The following TAF4 variants were observed in gnomAD, a reference collection of about 807,000 sequenced individuals.
TAF4 encodes TATA-box binding protein associated factor 4.
A neutral mutation model predicts 90.3 loss-of-function variants in TAF4; 9 were observed. That is an observed-to-expected ratio of 0.10 (90% confidence interval 0.06 to 0.17). TAF4 has a LOEUF of 0.17. TAF4 is among the 10% of genes least tolerant of loss of function. The pLI, the probability that TAF4 is intolerant of heterozygous loss-of-function variation, is 1.00. For missense variants in TAF4, 1,351 were observed against 1,370.7 expected (o/e 0.99, Z 0.23); for synonymous variants, 818 against 638.9 (o/e 1.28, Z -4.23).
intron 10 of TAF4, 107 bp from the exon 11 acceptor site, chr20:62,000,361 A>G (rs2055691973): frequency 1.3e-6 from 2 of 1,488,916 alleles, no homozygotes; most frequent in Non-Finnish European, 1.8e-6. Flanking sequence ...ACCCAAGGGG[A>G]GCCCAGAAAG....
chr20:62,042,097 G>A (rs1568940136), intron 1 of TAF4, among the ~76,000 whole-genome samples: 1 of 152,102 alleles, frequency 6.6e-6, no homozygotes, highest in Non-Finnish European at 1.5e-5. Flanking sequence ...GCGCCCAAAT[G>A]TTGCCTTTTC....
At chr20:62,038,558 A>C (rs1335973272) in intron 1 of TAF4, among the ~76,000 whole-genome samples, 4 of 152,226 alleles carry the variant, frequency 2.6e-5, no homozygotes, top group Admixed American at 2.0e-4. Context: ...ACATGGCATA[A>C]AATATGAATA....
chr20:62,015,497 G>C (rs1428879740), intron 1 of TAF4, among the ~76,000 whole-genome samples: 1 of 152,084 alleles, frequency 6.6e-6, no homozygotes, highest in African/African-American at 2.4e-5. Context: ...GTGGGAGCAG[G>C]GCTATAAACA....
Position 61,993,266 on chromosome 20 carries a change from G to A in TAF4, c.3090+4284C>T, listed in dbSNP as rs115744482. 6.4e-3 allele frequency among the ~76,000 whole-genome samples: 981 copies of A among 152,294 alleles called. 12 individuals are homozygous for A. The highest frequency in any genetic ancestry group is 0.022 in the African/African-American group (921 of 41,558). On this transcript the variant is annotated intron_variant, in intron 14 of 14. Transcript: ENST00000252996. Reference sequence around the variant, plus strand: ...GCGCACAGCCCAGACCCGTGTCCTCGCAATGAGGGGACACAAGAGCAGCCA... The same window carrying A: ...GCGCACAGCCCAGACCCGTGTCCTCACAATGAGGGGACACAAGAGCAGCCA...
intron 1 of TAF4, among the ~76,000 whole-genome samples, chr20:62,035,319 G>C (rs1041961061): frequency 4.6e-5 from 7 of 152,204 alleles, no homozygotes; most frequent in African/African-American, 1.7e-4. Context: ...TTAGTATGGA[G>C]CTAAATTATT....
chr20:62,026,484 G>A (rs1023696121), intron 1 of TAF4, among the ~76,000 whole-genome samples: 1 of 152,176 alleles, frequency 6.6e-6, no homozygotes, highest in African/African-American at 2.4e-5. Flanking sequence ...CTCCTTTGAT[G>A]GAAAAGGGAT....
intron 1 of TAF4, among the ~76,000 whole-genome samples, chr20:62,042,792 C>T (rs1412803783): frequency 6.6e-6 from 1 of 152,208 alleles, no homozygotes; most frequent in Non-Finnish European, 1.5e-5. Context: ...TTAAAACTTA[C>T]AGTTAACTGT....
chr20:62,062,343 A>G (rs2056093467), intron 1 of TAF4, among the ~76,000 whole-genome samples: 1 of 152,234 alleles, frequency 6.6e-6, no homozygotes, highest in Admixed American at 6.5e-5. Context: ...TTACAGAATT[A>G]AGTTGTACTG....
chr20:62,003,035 G>A (rs2055717035), intron 9 of TAF4, 125 bp downstream of exon 9: 2 of 677,376 alleles, frequency 3.0e-6, no homozygotes, highest in Middle Eastern at 2.5e-4. Flanking sequence ...TGAAGCAGGA[G>A]CCTTGGAGCC....
intron 1 of TAF4, among the ~76,000 whole-genome samples, chr20:62,029,490 A>G (rs532184206): frequency 2.6e-4 from 39 of 147,350 alleles, no homozygotes; most frequent in Non-Finnish European, 4.0e-4. Flanking sequence ...GCGCGCGCAC[A>G]CACACACACA....
At position 62,006,486 on chromosome 20, in the gene TAF4, A is replaced by G. The variant is rs1428682084; in HGVS notation, c.2223+24T>C. On this transcript the variant is annotated intron_variant, in intron 7 of 14. Coordinates refer to ENST00000252996, the MANE Select transcript of TAF4 (RefSeq NM_003185.4). This position sits in a 1 kb window ranked among gnomAD's most constrained non-coding sequence, Gnocchi z 7.0. ...AGCAGAGGCACGGTGGGCTGTGCAG[A>G]CCAGTCAGGCGCCCCTTCCATACCA... 1 of 1,474,174 alleles carries G rather than the reference A, an allele frequency of 6.8e-7. No homozygotes were observed. The highest frequency in any genetic ancestry group is 2.5e-5 in the East Asian group (1 of 39,702). The allele number at this position is 1,474,174 out of a possible 1,614,324, so 91.3% of individuals were successfully genotyped here.
intron 1 of TAF4, among the ~76,000 whole-genome samples, chr20:62,060,249 G>T (rs1417668909): frequency 2.0e-5 from 3 of 152,230 alleles, no homozygotes; most frequent in Non-Finnish European, 4.4e-5. Context: ...AAGCAAGCGG[G>T]ACACCCTCTC....
intron 1 of TAF4, among the ~76,000 whole-genome samples, chr20:62,031,384 CTT>C (rs2055903563): frequency 1.3e-5 from 2 of 152,352 alleles, no homozygotes; most frequent in South Asian, 4.1e-4. Context: ...CTTCTCGACA[CTT>C]TGCTAAACCT....
chr20:62,009,926 T>C (rs1376199729), intron 4 of TAF4, 120 bp downstream of exon 4: 1 of 1,492,212 alleles, frequency 6.7e-7, no homozygotes, highest in Non-Finnish European at 9.1e-7. Context: ...GTTCACTGCT[T>C]TGTGAAGCAA....
intron 1 of TAF4, among the ~76,000 whole-genome samples, chr20:62,029,475 TGCGCGCGCGC>T (rs369403106): frequency 7.0e-6 from 1 of 143,764 alleles, no homozygotes; most frequent in African/African-American, 2.5e-5. Flanking sequence ...AGTGCCCACG[TGCGCGCGCGC>T]GCACACACAC....
chr20:62,015,104 G>C (rs966874182), intron 1 of TAF4, among the ~76,000 whole-genome samples: 1 of 152,180 alleles, frequency 6.6e-6, no homozygotes, highest in Non-Finnish European at 1.5e-5. Context: ...GCTGGGCCTA[G>C]AGGGCACAAC....
intron 14 of TAF4, among the ~76,000 whole-genome samples, chr20:61,984,435 C>T (rs1273178159): frequency 1.3e-5 from 2 of 152,360 alleles, no homozygotes; most frequent in Middle Eastern, 3.4e-3. Flanking sequence ...CGAAGACACA[C>T]GTACAAGGCG....
At chr20:62,045,068 A>G (rs2055985508) in intron 1 of TAF4, among the ~76,000 whole-genome samples, 1 of 152,248 alleles carries the variant, frequency 6.6e-6, no homozygotes, top group Non-Finnish European at 1.5e-5. Context: ...CTACAAGGAA[A>G]AGAAAACTCA....
At position 61,987,710 on chromosome 20, in the gene TAF4, T is replaced by C. The variant is rs529661302; in HGVS notation, c.3090+9840A>G. 2.4e-4 allele frequency among the ~76,000 whole-genome samples: 37 copies of C among 152,366 alleles called. No individual in the cohort carries two copies. In the South Asian group the frequency reaches 6.6e-3, roughly 27 times the overall value. ...CTCTTACCACACGGTCCAGCAATCG[T>C]GCTCCTTGGTATTTACCCAAAGGGG... On this transcript the variant is annotated intron_variant, in intron 14 of 14. Transcript: ENST00000252996.
Sources: allele counts gnomAD v4.1 joint callset (sites outside exome capture counted in the v4.1 genomes callset), GRCh38; gene constraint gnomAD v4.1.1; non-coding constraint Gnocchi (gnomAD v3.1); transcripts MANE v1.5; gene names NCBI Gene and HGNC (gene_info 2026-07-23, HGNC 2026-07-21).